Variants in RPS3A observed in about 807,000 individuals in gnomAD.
RPS3A encodes the protein small ribosomal subunit protein eS1.
A neutral mutation model predicts 26.4 loss-of-function variants in RPS3A; 1 was observed. The ratio of observed to expected loss-of-function variants is 0.04; its 90% CI spans 0.01 to 0.18. RPS3A has a LOEUF of 0.18. Ranked by LOEUF, RPS3A falls within the 10% of genes least tolerant of loss-of-function variation. RPS3A has a pLI of 1.00. For synonymous variants in RPS3A, 97 were observed against 106.1 expected, an observed-to-expected ratio of 0.91 and a Z score of 0.53; for missense variants, 139 against 326.8, an observed-to-expected ratio of 0.43 and a Z score of 4.43.
Position 151,104,456 on chromosome 4 carries a change from T to TTTTTC in RPS3A, c.674-12_674-11insCTTTT. The stretch of plus-strand genomic sequence containing the variant: ...GTTTTTTGGTTTTTTTTTTTTTTTT[T>TTTTTC]TTTTTTGCCTTTTAGTGGGAAAGCT... On this transcript the variant is annotated splice_polypyrimidine_tract_variant and intron_variant, in intron 5 of 5. Coordinates refer to ENST00000274065, the MANE Select transcript of RPS3A (RefSeq NM_001006.5). The TTTTTC allele has an allele frequency of 7.1e-7, 1 of 1,411,330 alleles. No homozygotes were observed. Among genetic ancestry groups the TTTTTC allele is most frequent in the Admixed American group, 3.2e-5 (1 of 31,000 alleles). 87.4% of individuals were successfully genotyped at this position (1,411,330 alleles called of 1,614,324 possible). A position where few individuals can be genotyped will look rare whatever the true frequency, so the allele number is the denominator to read the frequency against.
At chr4:151,103,599 A>G (rs1376176383) in intron 4 of RPS3A, 2 of 1,046,812 alleles carry the variant, frequency 1.9e-6, no homozygotes, top group African/African-American at 1.7e-5. Context: ...TTTTTCCCCT[A>G]CTTGGAAAAT....
rs1379172904 is a variant in RPS3A, at chr4:151,100,553, T to C, written c.131T>C (p.Ile44Thr). 4 of 1,605,416 alleles carry C rather than the reference T, an allele frequency of 2.5e-6. No homozygotes were observed. The highest frequency in any genetic ancestry group is 2.2e-5 in the East Asian group (1 of 44,852). Residue 44 changes from isoleucine (I) to threonine (T), a missense_variant, in exon 2 of 6, where the codon ATT (isoleucine) becomes ACT (threonine). Around this residue, in one of 3 missense-constraint regions of RPS3A, gnomAD observed 35 missense variants for 60.1 expected, o/e 0.58. Coordinates refer to ENST00000274065, the MANE Select transcript of RPS3A (RefSeq NM_001006.5). ...KAPAMFNIRN[I>T]GKTLVTRTQG... ...CCTGCTATGTTCAATATAAGAAATATTGGAAAGACGCTCGTCACCAGGACC... is the reference window on the plus strand; with the variant it reads ...CCTGCTATGTTCAATATAAGAAATACTGGAAAGACGCTCGTCACCAGGACC...
At chr4:151,103,107 A>G in intron 4 of RPS3A, 28 bp downstream of exon 4, 1 of 1,585,512 alleles carries the variant, frequency 6.3e-7, no homozygotes, top group Non-Finnish European at 8.5e-7. Flanking sequence ...TCCTCACACA[A>G]CACAACCTTG....
intron 4 of RPS3A, 100 bp from the exon 5 acceptor site, chr4:151,104,077 A>C: frequency 6.6e-7 from 1 of 1,511,472 alleles, no homozygotes; most frequent in South Asian, 1.3e-5. Context: ...GGTAGGTGTT[A>C]TGTGTAGGTT....
At chr4:151,100,386 G>T (rs1438747008) in intron 1 of RPS3A, 99 bp from the exon 2 acceptor site, 1 of 700,420 alleles carries the variant, frequency 1.4e-6, no homozygotes, top group East Asian at 2.6e-5. Context: ...TCAAATTGCC[G>T]GTTAGCTTTT....
At chr4:151,099,871 G>C in intron 1 of RPS3A, 157 bp downstream of exon 1, 1 of 784,968 alleles carries the variant, frequency 1.3e-6, no homozygotes, top group Non-Finnish European at 2.2e-6. Flanking sequence ...TGGAGGGTCG[G>C]TGTTGAGTAG....
chr4:151,103,225 G>A, intron 4 of RPS3A, 146 bp downstream of exon 4: 1 of 1,359,460 alleles, frequency 7.4e-7, no homozygotes, highest in Non-Finnish European at 9.7e-7. Context: ...GTGAAAGAGT[G>A]TTAAGTACTC....
At chr4:151,101,978 C>A in intron 3 of RPS3A, 1 of 479,188 alleles carries the variant, frequency 2.1e-6, no homozygotes, top group Non-Finnish European at 4.1e-6. Context: ...AGTGATCTGC[C>A]CGCCTCAGCC....
intron 3 of RPS3A, among the ~76,000 whole-genome samples, chr4:151,101,597 T>C (rs1375750161): frequency 1.3e-5 from 2 of 152,204 alleles, no homozygotes; most frequent in Non-Finnish European, 2.9e-5. Context: ...TGTGTTCTCG[T>C]TGGAAAGTAA....
intron 1 of RPS3A, 41 bp downstream of exon 1, chr4:151,099,755 T>A (rs924708413): frequency 3.8e-6 from 6 of 1,584,608 alleles, no homozygotes; most frequent in Non-Finnish European, 5.2e-6. Flanking sequence ...TTTGGGGGTC[T>A]GCTGGAATCG....
intron 3 of RPS3A, chr4:151,102,604 C>T (rs1747176474): frequency 4.5e-6 from 2 of 447,590 alleles, no homozygotes; most frequent in Non-Finnish European, 4.1e-6. Flanking sequence ...GTTTGGATGC[C>T]GTCAAGATAG....
intron 4 of RPS3A, 113 bp from the exon 5 acceptor site, chr4:151,104,064 T>C: frequency 6.7e-7 from 1 of 1,496,450 alleles, no homozygotes; most frequent in Middle Eastern, 1.8e-4. Flanking sequence ...GCAGGTTAAA[T>C]GAGGTAGGTG....
At chr4:151,100,142 G>C (rs989822293) in intron 1 of RPS3A, among the ~76,000 whole-genome samples, 1 of 152,206 alleles carries the variant, frequency 6.6e-6, no homozygotes, top group Non-Finnish European at 1.5e-5. Flanking sequence ...CAGTCTCTTA[G>C]TTACCAGTAC....
chr4:151,102,069 C>G (rs762953428), intron 3 of RPS3A: 2 of 518,260 alleles, frequency 3.9e-6, no homozygotes, highest in Non-Finnish European at 7.7e-6. Flanking sequence ...TGAATGATGA[C>G]AAAATGTTTC....
Position 151,103,026 on chromosome 4 carries a change from A to G in RPS3A, c.510A>G (p.Glu170=), listed in dbSNP as rs778086600. The change falls in exon 4 of 6, where the codon GAA becomes GAG. Residue 170 remains glutamate (E), a synonymous_variant. Transcript: ENST00000274065. The part of the protein sequence containing the change: ...QVRQIRKKMM[E]IMTREVQTND... ...GCCAAATCCGGAAGAAGATGATGGA[A>G]ATCATGACCCGAGAGGTGCAGACAA... is the stretch of plus-strand genomic sequence containing the variant. 3.7e-6 allele frequency: 6 copies of G among 1,600,938 alleles called. No individual in the cohort carries two copies. Among genetic ancestry groups the G allele is most frequent in the Non-Finnish European group, 4.2e-6 (5 of 1,179,784 alleles).
intron 1 of RPS3A, 63 bp downstream of exon 1, chr4:151,099,777 C>T (rs952858235): frequency 3.3e-6 from 5 of 1,527,736 alleles, no homozygotes; most frequent in Admixed American, 3.8e-5. Flanking sequence ...CGGGCTGGTC[C>T]TAGATCGCGG....
chr4:151,104,148 G>GA (rs748097581), intron 4 of RPS3A, 29 bp from the exon 5 acceptor site: 5 of 1,587,194 alleles, frequency 3.2e-6, no homozygotes, highest in South Asian at 1.2e-5. Context: ...AGGACTTTTA[G>GA]AAAAAAATTT....
intron 3 of RPS3A, 146 bp downstream of exon 3, chr4:151,101,308 T>C (rs1162767548): frequency 7.7e-6 from 4 of 518,318 alleles, no homozygotes; most frequent in Admixed American, 7.6e-5. Flanking sequence ...ATTTTTGTTT[T>C]CTTGCCGTTG....
intron 4 of RPS3A, chr4:151,103,765 T>TACAC: frequency 7.7e-7 from 1 of 1,301,126 alleles, no homozygotes. Flanking sequence ...TATATATATA[T>TACAC]ACACACACAA....
Sources: allele counts gnomAD v4.1 joint callset (sites outside exome capture counted in the v4.1 genomes callset), GRCh38; gene constraint gnomAD v4.1.1; regional missense constraint gnomAD v4.1.1; transcripts MANE v1.5; gene names NCBI Gene and HGNC (gene_info 2026-07-23, HGNC 2026-07-21).